The following PTPRD variants were observed in gnomAD, a reference collection of about 807,000 sequenced individuals.
PTPRD encodes protein tyrosine phosphatase receptor type D, also known as receptor-type tyrosine-protein phosphatase delta.
A neutral mutation model predicts 214.5 loss-of-function variants in PTPRD; 34 were observed. The ratio of observed to expected loss-of-function variants is 0.16; its 90% confidence interval spans 0.12 to 0.21. PTPRD has a LOEUF of 0.21. Among genes scored for constraint, PTPRD ranks in the 10% least tolerant of loss-of-function variants. The probability of loss-of-function intolerance (pLI) is 1.00; values close to 1 mark genes in which losing one functional copy is unlikely to be tolerated. For synonymous variants in PTPRD, 1,128 were observed against 845.7 expected, an observed-to-expected ratio of 1.33 and a Z score of -5.79; for missense variants, 2,545 against 2,398.7, an observed-to-expected ratio of 1.06 and a Z score of -1.27.
intron 10 of PTPRD, among the ~76,000 whole-genome samples, chr9:9,096,350 C>T (rs761780303): frequency 2.0e-5 from 3 of 152,098 alleles, no homozygotes; most frequent in Non-Finnish European, 4.4e-5. Context: ...ATACGCAATA[C>T]AATTTATCAA....
chr9:8,910,221 T>G (rs1486064196), intron 11 of PTPRD, among the ~76,000 whole-genome samples: 1 of 151,876 alleles, frequency 6.6e-6, no homozygotes, highest in African/African-American at 2.4e-5. Flanking sequence ...GTATTTTTAG[T>G]AGAGACGGGA....
intron 2 of PTPRD, among the ~76,000 whole-genome samples, chr9:10,462,875 T>C (rs773792273): frequency 1.4e-4 from 21 of 151,168 alleles, no homozygotes; most frequent in Non-Finnish European, 8.9e-5. Flanking sequence ...AATTATTGTA[T>C]ATAATTATCT....
At chr9:8,883,213 C>T (rs763688657) in intron 11 of PTPRD, among the ~76,000 whole-genome samples, 4 of 152,110 alleles carry the variant, frequency 2.6e-5, no homozygotes, top group Non-Finnish European at 5.9e-5. Flanking sequence ...AATGATAATA[C>T]CAATGGCCAT....
At chr9:9,556,522 TTG>T (rs965966958) in intron 8 of PTPRD, among the ~76,000 whole-genome samples, 1 of 152,244 alleles carries the variant, frequency 6.6e-6, no homozygotes, top group African/African-American at 2.4e-5. Flanking sequence ...AGTCTATCAA[TTG>T]TGTTTCACAC....
At position 8,507,305 on chromosome 9, in the gene PTPRD, T is replaced by A; in HGVS notation, c.1673A>T (p.Glu558Val). The A allele has an allele frequency of 6.2e-7, 1 of 1,613,818 alleles. No individual in the cohort carries two copies. Among genetic ancestry groups the A allele is most frequent in the Middle Eastern group, 1.7e-4 (1 of 6,060 alleles). Residue 558 changes from glutamate to valine, a missense_variant, in exon 22 of 46, where the codon GAG becomes GTG. Physicochemically the swap from Glu to Val is moderately radical, Grantham distance 121. Coordinates refer to ENST00000381196, the MANE Select transcript of PTPRD (RefSeq NM_002839.4). Reference sequence around the variant, plus strand: ...TGAGAAGCACTATAGTCTTACCTCCTCTCCATGCTCCCCATCTTTGTAGAC... The same window carrying A: ...TGAGAAGCACTATAGTCTTACCTCCACTCCATGCTCCCCATCTTTGTAGAC... ...ELVYKDGEHG[E>V]EQRITIEPGT...
At chr9:9,701,427 C>T (rs2097499973) in intron 7 of PTPRD, among the ~76,000 whole-genome samples, 1 of 152,150 alleles carries the variant, frequency 6.6e-6, no homozygotes, top group Non-Finnish European at 1.5e-5. Context: ...CATAGGGGAA[C>T]AACCTAGAGA....
At chr9:8,758,788 C>T (rs1460602361) in intron 11 of PTPRD, among the ~76,000 whole-genome samples, 4 of 150,230 alleles carry the variant, frequency 2.7e-5, no homozygotes, top group Non-Finnish European at 5.9e-5. Context: ...GATGGAGTCT[C>T]GCTCTGTCAC....
At chr9:9,036,323 G>T (rs2099621762) in intron 10 of PTPRD, among the ~76,000 whole-genome samples, 2 of 151,634 alleles carry the variant, frequency 1.3e-5, no homozygotes, top group Non-Finnish European at 2.9e-5. Flanking sequence ...ATTTAAGACA[G>T]CTTACATAAA....
intron 3 of PTPRD, among the ~76,000 whole-genome samples, chr9:10,106,259 C>T (rs540868073): frequency 1.3e-5 from 2 of 151,856 alleles, no homozygotes; most frequent in East Asian, 1.9e-4. Flanking sequence ...CTAGGACCTC[C>T]TAGAAATGAC....
At chr9:10,316,977 A>T (rs1198013115) in intron 3 of PTPRD, among the ~76,000 whole-genome samples, 1 of 151,958 alleles carries the variant, frequency 6.6e-6, no homozygotes, top group Admixed American at 6.6e-5. Context: ...AAACAAAACA[A>T]AAAACAAAAC....
chr9:9,409,067 C>A (rs1328006140), intron 8 of PTPRD, among the ~76,000 whole-genome samples: 1 of 151,820 alleles, frequency 6.6e-6, no homozygotes, highest in Non-Finnish European at 1.5e-5. Context: ...TGAAATGTGT[C>A]TTTATTCTAG....
At chr9:8,456,390 G>T (rs1234896915) in intron 33 of PTPRD, among the ~76,000 whole-genome samples, 8 of 152,082 alleles carry the variant, frequency 5.3e-5, no homozygotes, top group Non-Finnish European at 1.2e-4. Flanking sequence ...GATTTAGTAG[G>T]TAGCATCCTA....
chr9:9,083,389 T>C (rs954594550), intron 10 of PTPRD, among the ~76,000 whole-genome samples: 4 of 152,094 alleles, frequency 2.6e-5, no homozygotes, highest in African/African-American at 4.8e-5. Context: ...TTATACCTAA[T>C]ACAAAAATTA....
chr9:10,148,057 A>G (rs2099036000), intron 3 of PTPRD, among the ~76,000 whole-genome samples: 1 of 152,152 alleles, frequency 6.6e-6, no homozygotes, highest in Non-Finnish European at 1.5e-5. Flanking sequence ...CTAAATCCAG[A>G]GATTTTCTAC....
At chr9:10,443,123 T>C (rs1159125061) in intron 2 of PTPRD, among the ~76,000 whole-genome samples, 2 of 148,156 alleles carry the variant, frequency 1.3e-5, no homozygotes, top group Admixed American at 6.7e-5. Context: ...GGTGTTTGTG[T>C]TTTTTTATTA....
chr9:9,685,266 T>TTATA (rs34439498), intron 7 of PTPRD, among the ~76,000 whole-genome samples: 2 of 149,262 alleles, frequency 1.3e-5, no homozygotes, highest in African/African-American at 4.9e-5. Flanking sequence ...TATATGCTTA[T>TTATA]TATATATATA....
chr9:9,925,308 C>G (rs1213535708), intron 5 of PTPRD, among the ~76,000 whole-genome samples: 1 of 151,758 alleles, frequency 6.6e-6, no homozygotes, highest in African/African-American at 2.4e-5. Context: ...CACATATTTC[C>G]CTCTCCAGAA....
intron 12 of PTPRD, among the ~76,000 whole-genome samples, chr9:8,652,579 C>A (rs1256921815): frequency 6.6e-6 from 1 of 152,210 alleles, no homozygotes; most frequent in Non-Finnish European, 1.5e-5. Flanking sequence ...AGAATGACAC[C>A]ATTTTAGGAC....
intron 9 of PTPRD, among the ~76,000 whole-genome samples, chr9:9,335,005 C>T (rs1223395596): frequency 2.6e-5 from 4 of 151,896 alleles, no homozygotes; most frequent in Non-Finnish European, 4.4e-5. Flanking sequence ...TAAAATGCAC[C>T]TGTTTCAAAA....
Sources: allele counts gnomAD v4.1 joint callset (sites outside exome capture counted in the v4.1 genomes callset), GRCh38; gene constraint gnomAD v4.1.1; transcripts MANE v1.5; gene names NCBI Gene and HGNC (gene_info 2026-07-23, HGNC 2026-07-21).